PARD3B: variants seen among roughly 807,000 people sequenced by gnomAD.
The protein encoded by PARD3B is partitioning defective 3 homolog B.
In PARD3B, 103 loss-of-function variants were observed where a neutral mutation model predicts 130.2. The ratio of observed to expected loss-of-function variants is 0.79; its 90% CI spans 0.67 to 0.93. The LOEUF is 0.93. Among genes scored for constraint, PARD3B ranks in the 40% least tolerant of loss-of-function variants. PARD3B has a pLI of 0.00. For missense variants in PARD3B, 1,609 were observed against 1,499.2 expected (o/e 1.07, Z -1.21); for synonymous variants, 583 against 553.2 (o/e 1.05, Z -0.76).
At chr2:204,789,851 A>G (rs1420606020) in intron 2 of PARD3B, among the ~76,000 whole-genome samples, 1 of 150,300 alleles carries the variant, frequency 6.7e-6, no homozygotes, top group African/African-American at 2.5e-5. Flanking sequence ...AACTTGGTGA[A>G]GGTGAATTTT....
At chr2:204,755,236 G>A (rs2040616729) in intron 2 of PARD3B, among the ~76,000 whole-genome samples, 1 of 152,128 alleles carries the variant, frequency 6.6e-6, no homozygotes, top group African/African-American at 2.4e-5. Flanking sequence ...TGTGTGAATA[G>A]GAAGTATGGC....
At chr2:204,560,044 G>C (rs534167221) in intron 1 of PARD3B, among the ~76,000 whole-genome samples, 1 of 152,180 alleles carries the variant, frequency 6.6e-6, no homozygotes, top group Non-Finnish European at 1.5e-5. Context: ...GTTGTGGGGT[G>C]GGGGGTCTGG....
chr2:204,571,182 TG>T (rs2031983088), intron 1 of PARD3B, among the ~76,000 whole-genome samples: 1 of 152,142 alleles, frequency 6.6e-6, no homozygotes, highest in African/African-American at 2.4e-5. Flanking sequence ...TAGATCCATG[TG>T]GGGTTTTGGG....
At chr2:205,303,013 G>A (rs1464429497) in intron 18 of PARD3B, among the ~76,000 whole-genome samples, 1 of 152,100 alleles carries the variant, frequency 6.6e-6, no homozygotes, top group Admixed American at 6.5e-5. Flanking sequence ...AGTATAAACT[G>A]TTGAGGCTGC....
intron 2 of PARD3B, among the ~76,000 whole-genome samples, chr2:204,846,618 C>G (rs1427369262): frequency 6.6e-6 from 1 of 150,616 alleles, no homozygotes; most frequent in Non-Finnish European, 1.5e-5. Context: ...AACTTGTGCT[C>G]TTTCTGTTTC....
intron 21 of PARD3B, among the ~76,000 whole-genome samples, chr2:205,505,861 A>G (rs2050341509): frequency 6.6e-6 from 1 of 152,178 alleles, no homozygotes; most frequent in African/African-American, 2.4e-5. Context: ...CAGTATCATT[A>G]TCCCCCCGCC....
At chr2:205,251,700 T>C (rs1170984156) in intron 16 of PARD3B, among the ~76,000 whole-genome samples, 2 of 152,176 alleles carry the variant, frequency 1.3e-5, no homozygotes, top group Non-Finnish European at 2.9e-5. Context: ...ATTTGCATCT[T>C]CTAATTGGAT....
chr2:205,356,639 C>T (rs1381713537), intron 18 of PARD3B, among the ~76,000 whole-genome samples: 1 of 152,062 alleles, frequency 6.6e-6, no homozygotes, highest in Non-Finnish European at 1.5e-5. Context: ...GCCTATAAAC[C>T]CAGCACTTTG....
At chr2:205,155,071 A>C (rs1280235575) in intron 10 of PARD3B, among the ~76,000 whole-genome samples, 1 of 152,004 alleles carries the variant, frequency 6.6e-6, no homozygotes, top group Non-Finnish European at 1.5e-5. Context: ...CAAAAAAAAA[A>C]ACAAATTTAG....
Position 205,268,286 on chromosome 2 carries a change from G to GTT in PARD3B, c.2185+22464_2185+22465insTT, listed in dbSNP as rs2040588810. Among the ~76,000 whole-genome samples the GTT allele has an allele frequency of 6.6e-6, 1 of 152,236 alleles. No individual in the cohort carries two copies. The highest frequency in any genetic ancestry group is 6.5e-5 in the Admixed American group (1 of 15,284). On this transcript the variant is annotated intron_variant, in intron 16 of 22. Transcript: ENST00000406610. The surrounding 1 kb of genome is among the most constrained non-coding windows in gnomAD (Gnocchi z 4.1). The stretch of plus-strand genomic sequence containing the variant: ...GTGAAAGTAAATAAGCATGAAGACA[G>GTT]ACTGATTAAGCTCACTCATATAATT...
At chr2:204,648,031 C>T (rs2035333503) in intron 1 of PARD3B, among the ~76,000 whole-genome samples, 1 of 151,352 alleles carries the variant, frequency 6.6e-6, no homozygotes, top group Admixed American at 6.6e-5. Context: ...GGTGACTACG[C>T]AATAGTAAGA....
intron 3 of PARD3B, among the ~76,000 whole-genome samples, chr2:204,990,260 ATT>A (rs564501086): frequency 2.1e-5 from 3 of 143,700 alleles, no homozygotes; most frequent in East Asian, 2.0e-4. Context: ...CTTTAAAAAC[ATT>A]TTTTTTTTTT....
chr2:204,830,024 A>T (rs1012805520), intron 2 of PARD3B, among the ~76,000 whole-genome samples: 10 of 144,552 alleles, frequency 6.9e-5, no homozygotes, highest in Admixed American at 4.8e-4. Flanking sequence ...AAAAAAAAAA[A>T]TGTGTAGCAC....
At chr2:204,881,203 A>C (rs908162975) in intron 2 of PARD3B, among the ~76,000 whole-genome samples, 1 of 152,216 alleles carries the variant, frequency 6.6e-6, no homozygotes, top group African/African-American at 2.4e-5. Context: ...AAAGTATGCC[A>C]ATATTGTTAA....
intron 2 of PARD3B, among the ~76,000 whole-genome samples, chr2:204,792,162 T>G (rs1559148261): frequency 6.6e-6 from 1 of 152,188 alleles, no homozygotes; most frequent in Non-Finnish European, 1.5e-5. Flanking sequence ...TTTACCAATT[T>G]GGTAAATAGA....
At chr2:204,719,321 T>C (rs2038887534) in intron 2 of PARD3B, among the ~76,000 whole-genome samples, 1 of 152,232 alleles carries the variant, frequency 6.6e-6, no homozygotes, top group Admixed American at 6.5e-5. Context: ...CCTAGTGGAT[T>C]AGCAAACAGT....
At chr2:204,860,307 A>G (rs1360686340) in intron 2 of PARD3B, among the ~76,000 whole-genome samples, 5 of 152,254 alleles carry the variant, frequency 3.3e-5, no homozygotes, top group Middle Eastern at 3.4e-3. Context: ...GTTTGTGACG[A>G]TTACCAAGAA....
chr2:205,294,294 C>T (rs1482785674), intron 16 of PARD3B, among the ~76,000 whole-genome samples: 1 of 151,894 alleles, frequency 6.6e-6, no homozygotes, highest in African/African-American at 2.4e-5. Flanking sequence ...ATAGTTTAAC[C>T]ACTAAGTTGA....
intron 2 of PARD3B, among the ~76,000 whole-genome samples, chr2:204,727,886 C>G (rs1261541719): frequency 6.6e-6 from 1 of 152,090 alleles, no homozygotes; most frequent in Non-Finnish European, 1.5e-5. Context: ...TGTAGACTGG[C>G]CAGACCACTC....
Sources: allele counts gnomAD v4.1 joint callset (sites outside exome capture counted in the v4.1 genomes callset), GRCh38; gene constraint gnomAD v4.1.1; non-coding constraint Gnocchi (gnomAD v3.1); transcripts MANE v1.5; gene names NCBI Gene and HGNC (gene_info 2026-07-23, HGNC 2026-07-21).